The following MEGF10 variants were observed in gnomAD, a reference collection of about 807,000 sequenced individuals.
MEGF10 encodes multiple epidermal growth factor-like domains protein 10.
In MEGF10, 86 loss-of-function variants were observed where a neutral mutation model predicts 147.5. The observed-to-expected ratio is 0.58, with a 90% CI of 0.49 to 0.70. The LOEUF (loss-of-function observed/expected upper bound fraction) is 0.70, where lower values mean the gene tolerates loss of function less well. Among genes scored for constraint, MEGF10 ranks in the 30% least tolerant of loss-of-function variants. The pLI, the probability that MEGF10 is intolerant of heterozygous loss-of-function variation, is 0.00. For synonymous variants in MEGF10, 478 were observed against 525.5 expected, an observed-to-expected ratio of 0.91 and a Z score of 1.24; for missense variants, 1,329 against 1,487.3, an observed-to-expected ratio of 0.89 and a Z score of 1.75.
the MEGF10 span, among the ~76,000 whole-genome samples, chr5:127,260,130 C>T: frequency 6.6e-6 from 1 of 151,914 alleles, no homozygotes; most frequent in African/African-American, 2.4e-5. Flanking sequence ...GCACTCCAGC[C>T]TGGGCAACAG....
the MEGF10 span, among the ~76,000 whole-genome samples, chr5:127,235,034 T>C: frequency 6.6e-6 from 1 of 151,962 alleles, no homozygotes; most frequent in African/African-American, 2.4e-5. Flanking sequence ...TTAGTAGAGA[T>C]AGGGTTTTAC....
intron 5 of MEGF10, among the ~76,000 whole-genome samples, chr5:127,380,633 T>C (rs1332516881): frequency 6.6e-6 from 1 of 152,052 alleles, no homozygotes; most frequent in African/African-American, 2.4e-5. Context: ...TTCTCCTGCC[T>C]CAGCCTCTCA....
At chr5:127,300,661 G>A (rs778277755) in intron 1 of MEGF10, among the ~76,000 whole-genome samples, 2 of 152,116 alleles carry the variant, frequency 1.3e-5, no homozygotes, top group African/African-American at 4.8e-5. Context: ...CATGTTTAAT[G>A]TAGAATTAAG....
chr5:127,233,859 G>A, the MEGF10 span, among the ~76,000 whole-genome samples: 2 of 152,044 alleles, frequency 1.3e-5, no homozygotes, highest in Admixed American at 6.5e-5. Flanking sequence ...AGGGTTGAGA[G>A]GTTTCCTGTT....
chr5:127,384,816 GTTC>G (rs1445886974), intron 5 of MEGF10, among the ~76,000 whole-genome samples: 3 of 152,112 alleles, frequency 2.0e-5, no homozygotes, highest in Non-Finnish European at 4.4e-5. Context: ...CATTTTTATT[GTTC>G]TTCTTCATGG....
intron 8 of MEGF10, among the ~76,000 whole-genome samples, chr5:127,407,268 T>C (rs1413788279): frequency 6.6e-6 from 1 of 152,172 alleles, no homozygotes; most frequent in African/African-American, 2.4e-5. Flanking sequence ...AAGAATGTGA[T>C]TCTTTCACAC....
chr5:127,296,475 G>GA (rs1759508145), intron 1 of MEGF10, among the ~76,000 whole-genome samples: 1 of 152,148 alleles, frequency 6.6e-6, no homozygotes. Flanking sequence ...TTTCAGTATG[G>GA]AAAACCTCAT....
At chr5:127,346,148 G>A (rs969477808) in intron 4 of MEGF10, among the ~76,000 whole-genome samples, 7 of 152,066 alleles carry the variant, frequency 4.6e-5, no homozygotes, top group Admixed American at 1.3e-4. Context: ...TTGCAATTGC[G>A]AATTGTGTTG....
chr5:127,340,226 C>T (rs978956070), intron 3 of MEGF10, among the ~76,000 whole-genome samples: 2 of 152,060 alleles, frequency 1.3e-5, no homozygotes, highest in African/African-American at 4.8e-5. Context: ...TAAGGGAATT[C>T]TCTGAATTCT....
At chr5:127,260,222 G>A in the MEGF10 span, among the ~76,000 whole-genome samples, 1 of 151,896 alleles carries the variant, frequency 6.6e-6, no homozygotes, top group African/African-American at 2.4e-5. Context: ...GAATTCAAGA[G>A]GTAAGGTGGG....
rs115398298 is a variant in MEGF10 at position 127,357,087 on chromosome 5, G to A, written c.320-12823G>A. On this transcript the variant is annotated intron_variant, in intron 4 of 24. Coordinates refer to ENST00000503335, the MANE Select transcript of MEGF10 (RefSeq NM_001256545.2). ...AATTTATTTGAGACTCTTTGGACCT[G>A]TAATTTCTTCTAAGGACAATTATAT... Among the ~76,000 whole-genome samples, 1,261 of 152,260 alleles carry A rather than the reference G, an allele frequency of 8.3e-3. 17 individuals carry two copies. The highest frequency in any genetic ancestry group is 0.028 in the African/African-American group (1,184 of 41,550).
At chr5:127,403,752 T>C (rs1764220184) in intron 8 of MEGF10, among the ~76,000 whole-genome samples, 1 of 152,234 alleles carries the variant, frequency 6.6e-6, no homozygotes, top group African/African-American at 2.4e-5. Context: ...GTTCTATCCA[T>C]GTTGTTGCAA....
At chr5:127,338,116 T>C (rs1455776389) in intron 2 of MEGF10, among the ~76,000 whole-genome samples, 1 of 152,128 alleles carries the variant, frequency 6.6e-6, no homozygotes. Flanking sequence ...CTAACCTGAA[T>C]TCTTCATGCT....
intron 1 of MEGF10, 137 bp downstream of exon 1, chr5:127,291,193 T>G (rs1194098254): frequency 6.6e-6 from 1 of 152,280 alleles, no homozygotes; most frequent in African/African-American, 2.4e-5. Flanking sequence ...ATGGGCTCAG[T>G]CTGCGTTGTT....
chr5:127,295,790 C>T (rs1377124183), intron 1 of MEGF10, among the ~76,000 whole-genome samples: 1 of 152,188 alleles, frequency 6.6e-6, no homozygotes, highest in Non-Finnish European at 1.5e-5. Context: ...CTCAGTTTCT[C>T]AAGGGTGTGT....
chr5:127,431,100 G>C (rs1375881917), intron 13 of MEGF10, among the ~76,000 whole-genome samples: 1 of 152,158 alleles, frequency 6.6e-6, no homozygotes, highest in East Asian at 1.9e-4. Context: ...TCTCTGCAGT[G>C]GATCTTCTTG....
At chr5:127,434,645 GCA>G (rs1561644813) in intron 14 of MEGF10, 40 bp from the exon 15 acceptor site, 1 of 1,555,494 alleles carries the variant, frequency 6.4e-7, no homozygotes, top group Non-Finnish European at 8.7e-7. Flanking sequence ...CGAGACAAAC[GCA>G]TCTCAGAAGG....
At chr5:127,289,761 G>A (rs572044545), upstream of MEGF10, among the ~76,000 whole-genome samples, 152 of 152,254 alleles carry the variant, frequency 1.0e-3, no homozygotes, top group African/African-American at 3.5e-3. Flanking sequence ...GGACTCGAAC[G>A]CTCTTGAAGT....
At chr5:127,445,810 G>T (rs1025676051) in intron 20 of MEGF10, 117 bp downstream of exon 20, 1 of 761,118 alleles carries the variant, frequency 1.3e-6, no homozygotes, top group Non-Finnish European at 2.3e-6. Flanking sequence ...CTCATTGAGA[G>T]AATTCTATGT....
Sources: allele counts gnomAD v4.1 joint callset (sites outside exome capture counted in the v4.1 genomes callset), GRCh38; gene constraint gnomAD v4.1.1; transcripts MANE v1.5; gene names NCBI Gene and HGNC (gene_info 2026-07-23, HGNC 2026-07-21).